CALN1: variants seen among roughly 807,000 people sequenced by gnomAD.
The protein encoded by CALN1 is calcium-binding protein 8.
A neutral mutation model predicts 30.6 loss-of-function variants in CALN1; 17 were observed. That is an observed-to-expected ratio of 0.56 (90% CI 0.38 to 0.83). CALN1 has a LOEUF of 0.83. CALN1 is among the 40% of genes least tolerant of loss of function. CALN1 has a pLI of 0.00. For missense variants in CALN1, 291 were observed against 354.9 expected, an observed-to-expected ratio of 0.82 and a Z score of 1.45; for synonymous variants, 156 against 131.4, an observed-to-expected ratio of 1.19 and a Z score of -1.28.
chr7:72,129,854 T>C (rs1312409316), intron 3 of CALN1, among the ~76,000 whole-genome samples: 1 of 152,190 alleles, frequency 6.6e-6, no homozygotes, highest in Non-Finnish European at 1.5e-5. Flanking sequence ...GGTTTGAATA[T>C]GGTTCATGAT....
chr7:72,213,873 C>T (rs530919815), intron 3 of CALN1, among the ~76,000 whole-genome samples: 6 of 152,288 alleles, frequency 3.9e-5, no homozygotes, highest in Non-Finnish European at 7.4e-5. Flanking sequence ...TAGCTTCTTG[C>T]ATTTCAGGGG....
chr7:72,318,743 G>A (rs1289348932), intron 2 of CALN1, among the ~76,000 whole-genome samples: 3 of 120,900 alleles, frequency 2.5e-5, no homozygotes, highest in Non-Finnish European at 4.9e-5. Context: ...GTAGAGACAG[G>A]GTCTCGCTAT....
intron 2 of CALN1, among the ~76,000 whole-genome samples, chr7:72,339,113 T>C (rs1159188971): frequency 6.6e-6 from 1 of 152,130 alleles, no homozygotes; most frequent in Non-Finnish European, 1.5e-5. Flanking sequence ...AACATAATGA[T>C]CTCCACTTCC....
rs1810226169 is a variant in CALN1 at position 72,144,806 on chromosome 7, A to G, written c.245-38512T>C. 2.0e-5 allele frequency among the ~76,000 whole-genome samples: 3 copies of G among 152,258 alleles called. No individual in the cohort carries two copies. The South Asian group carries it at 6.2e-4, about 32-fold the overall frequency. On this transcript the variant is annotated intron_variant, in intron 3 of 6. Coordinates refer to ENST00000395275, the MANE Select transcript of CALN1 (RefSeq NM_031468.4). The stretch of plus-strand genomic sequence containing the variant: ...CCACAGTGCAATCAAATTAGAACTT[A>G]GGATTAAGAAACTCACTCAAAACCG...
intron 2 of CALN1, among the ~76,000 whole-genome samples, chr7:72,371,853 C>T (rs1236203645): frequency 6.6e-6 from 1 of 152,186 alleles, no homozygotes; most frequent in Admixed American, 6.5e-5. Context: ...ATGTTCCACC[C>T]TTGCTCTCCC....
chr7:71,794,554 G>A (rs1312214627), intron 6 of CALN1, among the ~76,000 whole-genome samples: 1 of 152,156 alleles, frequency 6.6e-6, no homozygotes, highest in African/African-American at 2.4e-5. Flanking sequence ...TTCTCTCTCT[G>A]TAAAAGGAGC....
chr7:71,913,245 TC>T (rs757009083), intron 5 of CALN1, among the ~76,000 whole-genome samples: 10 of 152,304 alleles, frequency 6.6e-5, no homozygotes, highest in African/African-American at 9.6e-5. Context: ...TTCATCAATT[TC>T]CAAATTCTAG....
At chr7:72,396,798 C>T (rs1462786043) in intron 2 of CALN1, among the ~76,000 whole-genome samples, 1 of 152,040 alleles carries the variant, frequency 6.6e-6, no homozygotes, top group Non-Finnish European at 1.5e-5. Context: ...GAGACCTGAC[C>T]ACTAGAACCA....
At chr7:72,112,186 G>A (rs540521767) in intron 3 of CALN1, among the ~76,000 whole-genome samples, 1 of 152,170 alleles carries the variant, frequency 6.6e-6, no homozygotes, top group Non-Finnish European at 1.5e-5. Context: ...TCGCAGGGAG[G>A]AGACTCATTT....
At chr7:72,214,776 G>A (rs552235357) in intron 3 of CALN1, among the ~76,000 whole-genome samples, 32 of 152,044 alleles carry the variant, frequency 2.1e-4, no homozygotes, top group Admixed American at 2.0e-3. Flanking sequence ...TCGCATTCCC[G>A]CCTGAGCTCC....
At chr7:72,449,736 A>C (rs2968520), upstream of CALN1, among the ~76,000 whole-genome samples, 2 of 151,628 alleles carry the variant, frequency 1.3e-5, no homozygotes, top group Admixed American at 6.6e-5. Context: ...TTAGCCGGGC[A>C]TGGTGGCGGG....
At chr7:71,789,675 G>C (rs1237783457) in intron 6 of CALN1, among the ~76,000 whole-genome samples, 1 of 152,012 alleles carries the variant, frequency 6.6e-6, no homozygotes, top group Non-Finnish European at 1.5e-5. Context: ...TGGGTCTAGG[G>C]GTTTCGTTCT....
At chr7:72,231,334 C>G (rs1794085987) in intron 3 of CALN1, among the ~76,000 whole-genome samples, 2 of 152,164 alleles carry the variant, frequency 1.3e-5, no homozygotes, top group African/African-American at 4.8e-5. Context: ...TTTCCTGTGT[C>G]CATGTGTTCT....
intron 2 of CALN1, among the ~76,000 whole-genome samples, chr7:72,360,794 T>C (rs1315487444): frequency 1.3e-5 from 2 of 151,672 alleles, no homozygotes; most frequent in Admixed American, 6.6e-5. Flanking sequence ...AATGGCATCA[T>C]CTCAGCTCAC....
At chr7:72,431,547 A>G (rs1483723882) in intron 1 of CALN1, among the ~76,000 whole-genome samples, 1 of 152,218 alleles carries the variant, frequency 6.6e-6, no homozygotes, top group African/African-American at 2.4e-5. Context: ...CTAAGCGCTA[A>G]GTCAGATTAA....
chr7:72,040,300 G>C (rs1489216168), intron 4 of CALN1, among the ~76,000 whole-genome samples: 3 of 150,208 alleles, frequency 2.0e-5, no homozygotes, highest in African/African-American at 7.4e-5. Context: ...CATAGTGAGA[G>C]CTCATCCTTA....
intron 4 of CALN1, among the ~76,000 whole-genome samples, chr7:72,068,260 C>T (rs1001336388): frequency 3.3e-5 from 5 of 152,178 alleles, no homozygotes; most frequent in African/African-American, 1.2e-4. Context: ...ACACTATTTA[C>T]TCATCAAATA....
intron 3 of CALN1, among the ~76,000 whole-genome samples, chr7:72,273,005 A>C (rs573591343): frequency 2.6e-5 from 4 of 151,748 alleles, no homozygotes; most frequent in African/African-American, 4.8e-5. Flanking sequence ...ATAGATGGAG[A>C]ATTCTGTGGC....
At chr7:72,330,112 G>T (rs954905868) in intron 2 of CALN1, among the ~76,000 whole-genome samples, 1 of 151,986 alleles carries the variant, frequency 6.6e-6, no homozygotes, top group Non-Finnish European at 1.5e-5. Context: ...GGCCAACATG[G>T]TGAAACCCCG....
Sources: gnomAD v4.1 joint callset for allele counts (sites outside exome capture counted in the v4.1 genomes callset) on GRCh38, gnomAD v4.1.1 for gene constraint, MANE v1.5 for transcripts, NCBI Gene and HGNC (gene_info 2026-07-23, HGNC 2026-07-21) for gene names.